VPS13B: variants seen among roughly 807,000 people sequenced by gnomAD.
VPS13B encodes intermembrane lipid transfer protein VPS13B.
VPS13B carries 285 observed loss-of-function variants against 426.4 expected under a neutral mutation model. The observed-to-expected ratio is 0.67, with a 90% confidence interval of 0.61 to 0.74. The LOEUF is 0.74. Among genes scored for constraint, VPS13B ranks in the 30% least tolerant of loss-of-function variants. The pLI is 0.00. For missense variants in VPS13B, 4,537 were observed against 4,782.6 expected (o/e 0.95, Z 1.51); for synonymous variants, 1,676 against 1,676.4 (o/e 1.00, Z 0.01).
chr8:99,123,699 G>A (rs1016790230), intron 8 of VPS13B, among the ~76,000 whole-genome samples: 1 of 151,858 alleles, frequency 6.6e-6, no homozygotes, highest in Non-Finnish European at 1.5e-5. Flanking sequence ...TTTTGGATGT[G>A]TTTTGAAGGT....
chr8:99,396,133 C>T (rs985916485), intron 21 of VPS13B, among the ~76,000 whole-genome samples: 1 of 152,078 alleles, frequency 6.6e-6, no homozygotes, highest in African/African-American at 2.4e-5. Flanking sequence ...GAGGGTAGGG[C>T]TCACTGAAAG....
At chr8:99,590,582 T>C (rs978725089) in intron 33 of VPS13B, among the ~76,000 whole-genome samples, 1 of 152,216 alleles carries the variant, frequency 6.6e-6, no homozygotes, top group Non-Finnish European at 1.5e-5. Context: ...TCTGCCTTCA[T>C]TTCGTTATTT....
chr8:99,239,958 G>C (rs1306400624), intron 17 of VPS13B, among the ~76,000 whole-genome samples: 1 of 152,118 alleles, frequency 6.6e-6, no homozygotes, highest in Non-Finnish European at 1.5e-5. Flanking sequence ...GCTTCATGTA[G>C]AGGGGTAGGA....
chr8:99,867,406 C>T (rs1038958030), intron 58 of VPS13B, among the ~76,000 whole-genome samples: 1 of 152,190 alleles, frequency 6.6e-6, no homozygotes, highest in Non-Finnish European at 1.5e-5. Flanking sequence ...CCCTGTGCTA[C>T]AGCTGTGGGA....
At chr8:99,345,625 C>G (rs1811495525) in intron 19 of VPS13B, among the ~76,000 whole-genome samples, 1 of 151,796 alleles carries the variant, frequency 6.6e-6, no homozygotes, top group South Asian at 2.1e-4. Flanking sequence ...TTTTTTTATG[C>G]CCCTTTTCTT....
At chr8:99,198,630 G>A (rs936668189) in intron 17 of VPS13B, among the ~76,000 whole-genome samples, 4 of 152,112 alleles carry the variant, frequency 2.6e-5, no homozygotes, top group Admixed American at 2.6e-4. Flanking sequence ...GTAACCTCAA[G>A]TTCTGTCATT....
At chr8:99,586,582 C>A (rs567829296) in intron 33 of VPS13B, among the ~76,000 whole-genome samples, 39 of 152,058 alleles carry the variant, frequency 2.6e-4, no homozygotes, top group Admixed American at 3.3e-4. Flanking sequence ...TCAGATTAAT[C>A]AAATGCATGT....
chr8:99,074,518 A>C (rs1428277301), intron 3 of VPS13B, among the ~76,000 whole-genome samples: 1 of 151,862 alleles, frequency 6.6e-6, no homozygotes, highest in African/African-American at 2.4e-5. Flanking sequence ...AAAAAAAAAA[A>C]AAAATTCTAC....
At chr8:99,040,247 C>T (rs1465302960) in intron 3 of VPS13B, among the ~76,000 whole-genome samples, 1 of 152,128 alleles carries the variant, frequency 6.6e-6, no homozygotes, top group East Asian at 1.9e-4. Context: ...TTAGTGCAAC[C>T]TAGAACTAAT....
At chr8:99,557,654 A>T (rs1363326922) in intron 31 of VPS13B, among the ~76,000 whole-genome samples, 3 of 152,164 alleles carry the variant, frequency 2.0e-5, no homozygotes, top group African/African-American at 7.2e-5. Context: ...CTTTGAAAAG[A>T]TACCTAGTGG....
chr8:99,335,406 A>C (rs1249223563), intron 19 of VPS13B, among the ~76,000 whole-genome samples: 3 of 152,032 alleles, frequency 2.0e-5, no homozygotes, highest in Non-Finnish European at 4.4e-5. Flanking sequence ...TAGCTTTTGA[A>C]TGTGTTTGCT....
chr8:99,156,359 G>T (rs910396418), intron 14 of VPS13B, among the ~76,000 whole-genome samples, 190 bp from the exon 15 acceptor site: 4 of 152,166 alleles, frequency 2.6e-5, no homozygotes, highest in African/African-American at 9.7e-5. Flanking sequence ...TTTGAAGTCT[G>T]GGACATATTT....
At position 99,575,681 on chromosome 8, in the gene VPS13B, G is replaced by A; in HGVS notation, c.4973G>A (p.Arg1658Lys). Residue 1658 changes from arginine to lysine, a missense_variant, in exon 32 of 62, where the codon AGA becomes AAA. Physicochemically the swap from Arg to Lys is conservative, Grantham distance 26 (BLOSUM62 2). This residue lies in a region of VPS13B where 4,311 missense variants were observed against 4,474.3 expected (regional missense o/e 0.96). Transcript: ENST00000357162. ...ASSIRRHQER[R>K]AILTPVLTDF... ...AGCATACGGCGGCATCAAGAAAGGA[G>A]AGCAATTTTGACCCCCGTTTTGACA... The A allele has an allele frequency of 6.2e-7, 1 of 1,613,872 alleles. No homozygotes were observed.
At chr8:99,659,343 A>G (rs1365929778) in intron 34 of VPS13B, among the ~76,000 whole-genome samples, 2 of 151,978 alleles carry the variant, frequency 1.3e-5, no homozygotes, top group Non-Finnish European at 2.9e-5. Flanking sequence ...TGAACTCTTT[A>G]TATATTAATG....
intron 51 of VPS13B, among the ~76,000 whole-genome samples, chr8:99,828,397 T>TGC (rs1814838547): frequency 2.4e-4 from 8 of 33,940 alleles, no homozygotes; most frequent in Admixed American, 7.7e-4. Flanking sequence ...AACCACCGTT[T>TGC]TTTTTTTTTT....
chr8:99,526,904 T>G (rs1367130662), intron 30 of VPS13B, among the ~76,000 whole-genome samples: 2 of 152,174 alleles, frequency 1.3e-5, no homozygotes, highest in African/African-American at 4.8e-5. Context: ...TTTACATATC[T>G]TCTAGGCTTC....
intron 35 of VPS13B, among the ~76,000 whole-genome samples, chr8:99,675,954 G>T (rs1830915762): frequency 6.6e-6 from 1 of 151,864 alleles, no homozygotes; most frequent in African/African-American, 2.4e-5. Context: ...TTTTTCAGGG[G>T]TCGGTCACTA....
intron 33 of VPS13B, among the ~76,000 whole-genome samples, chr8:99,607,121 C>T (rs1827630682): frequency 6.6e-6 from 1 of 152,026 alleles, no homozygotes; most frequent in African/African-American, 2.4e-5. Context: ...CACAATAAAG[C>T]CAAATGCAAT....
intron 15 of VPS13B, among the ~76,000 whole-genome samples, chr8:99,159,006 A>G (rs533397377): frequency 1.3e-5 from 2 of 152,340 alleles, no homozygotes; most frequent in African/African-American, 4.8e-5. Context: ...AGATTCATCA[A>G]TCTAGATGCT....
Sources: allele counts gnomAD v4.1 joint callset (sites outside exome capture counted in the v4.1 genomes callset), GRCh38; gene constraint gnomAD v4.1.1; regional missense constraint gnomAD v4.1.1; transcripts MANE v1.5; gene names NCBI Gene and HGNC (gene_info 2026-07-23, HGNC 2026-07-21).